The following PHYHIPL variants were observed in gnomAD, a reference collection of about 807,000 sequenced individuals.
PHYHIPL encodes phytanoyl-CoA hydroxylase-interacting protein-like.
A neutral mutation model predicts 33.4 loss-of-function variants in PHYHIPL; 9 were observed. The ratio of observed to expected loss-of-function variants is 0.27; its 90% CI spans 0.16 to 0.47. The LOEUF (loss-of-function observed/expected upper bound fraction) is 0.47. Among genes scored for constraint, PHYHIPL ranks in the 20% least tolerant of loss-of-function variants. The probability of loss-of-function intolerance (pLI) is 0.99; values close to 1 mark genes in which losing one functional copy is unlikely to be tolerated. For missense variants in PHYHIPL, 365 were observed against 460.7 expected (o/e 0.79, Z 1.90); for synonymous variants, 153 against 154.1 (o/e 0.99, Z 0.05).
chr10:59,175,896 C>A (rs73294045), upstream of PHYHIPL, among the ~76,000 whole-genome samples: 3,265 of 152,334 alleles, frequency 0.021, 136 homozygotes, highest in African/African-American at 0.075. Context: ...GCTGCGAAGG[C>A]AGACTGCGTG....
At chr10:59,207,752 G>A (rs1261661395) in intron 1 of PHYHIPL, among the ~76,000 whole-genome samples, 5 of 152,024 alleles carry the variant, frequency 3.3e-5, no homozygotes, top group Non-Finnish European at 5.9e-5. Context: ...TTAGCTGGGC[G>A]TGGTGGTGGG....
chr10:59,184,633 T>G (rs1322259008), intron 1 of PHYHIPL, among the ~76,000 whole-genome samples: 1 of 151,954 alleles, frequency 6.6e-6, no homozygotes, highest in African/African-American at 2.4e-5. Context: ...CCTAGTTTTT[T>G]TTTTTTAATT....
upstream of PHYHIPL, chr10:59,176,585 C>T (rs1205799256): frequency 6.0e-4 from 178 of 297,752 alleles, 1 homozygote; most frequent in African/African-American, 2.2e-3. Flanking sequence ...GAGCAGCGTC[C>T]CCTCCCCGCC....
intron 1 of PHYHIPL, among the ~76,000 whole-genome samples, chr10:59,226,828 G>A (rs868690737): frequency 1.5e-4 from 23 of 151,710 alleles, no homozygotes; most frequent in Non-Finnish European, 2.9e-4. Context: ...TCCAAATTAC[G>A]GTAGAAAAGA....
intron 1 of PHYHIPL, among the ~76,000 whole-genome samples, chr10:59,214,421 T>A (rs1839550482): frequency 6.6e-6 from 1 of 152,224 alleles, no homozygotes; most frequent in East Asian, 1.9e-4. Flanking sequence ...ACAGCAATTA[T>A]ACTGTACATC....
At chr10:59,219,032 GCGTA>G (rs1839691809) in intron 1 of PHYHIPL, among the ~76,000 whole-genome samples, 2 of 152,028 alleles carry the variant, frequency 1.3e-5, no homozygotes, top group South Asian at 4.2e-4. Context: ...CTGGGTTTAA[GCGTA>G]CACAATTTAT....
chr10:59,191,197 A>G (rs559813655), intron 1 of PHYHIPL, among the ~76,000 whole-genome samples: 2 of 152,086 alleles, frequency 1.3e-5, no homozygotes, highest in Admixed American at 6.5e-5. Flanking sequence ...AAATGTAGAG[A>G]TCTGACCCAT....
intron 1 of PHYHIPL, among the ~76,000 whole-genome samples, chr10:59,184,391 A>G (rs910493252): frequency 1.3e-5 from 2 of 152,216 alleles, no homozygotes; most frequent in Admixed American, 6.5e-5. Flanking sequence ...TTGAGACATG[A>G]GTTAATCTCT....
intron 1 of PHYHIPL, chr10:59,183,760 T>A: frequency 1.5e-5 from 11 of 725,332 alleles, no homozygotes; most frequent in Non-Finnish European, 1.9e-5. Context: ...TAGTGGCTCA[T>A]TTAAAAGGGG....
At chr10:59,220,906 A>C (rs763396304) in intron 1 of PHYHIPL, among the ~76,000 whole-genome samples, 7 of 152,218 alleles carry the variant, frequency 4.6e-5, no homozygotes, top group Admixed American at 1.3e-4. Flanking sequence ...ATAACTAAAA[A>C]ATTAAAAATT....
intron 1 of PHYHIPL, among the ~76,000 whole-genome samples, chr10:59,199,041 G>A (rs1839015469): frequency 1.3e-5 from 2 of 152,092 alleles, no homozygotes; most frequent in Admixed American, 1.3e-4. Context: ...CTTTTGCTGT[G>A]CAGAAGCTCT....
At chr10:59,214,893 G>T (rs992730022) in intron 1 of PHYHIPL, among the ~76,000 whole-genome samples, 7 of 151,936 alleles carry the variant, frequency 4.6e-5, no homozygotes, top group African/African-American at 1.7e-4. Context: ...TCCAGGTCTA[G>T]ACAGGGCAGA....
chr10:59,176,630 T>C (rs1173493027), upstream of PHYHIPL: 3 of 424,094 alleles, frequency 7.1e-6, no homozygotes, highest in East Asian at 3.9e-5. Context: ...CGCCGGGTCC[T>C]GCTCGGTCTC....
At position 59,176,657 on chromosome 10, in the gene PHYHIPL, C is replaced by T; in HGVS notation, c.-197C>T. On this transcript the variant is annotated 5_prime_UTR_variant, in exon 1 of 5. Transcript: ENST00000373880. Reference sequence around the variant, plus strand: ...CTCGGTCTCTCAGAGCCGCACACTCCGCGGAGCTCCTGCCACAGCCGTCGC... The same window carrying T: ...CTCGGTCTCTCAGAGCCGCACACTCTGCGGAGCTCCTGCCACAGCCGTCGC... The T allele has an allele frequency of 1.8e-6, 1 of 552,072 alleles. No homozygotes were observed. Among genetic ancestry groups the T allele is most frequent in the Non-Finnish European group, 3.2e-6 (1 of 312,034 alleles). The allele number at this position is 552,072 out of a possible 1,614,324, so 34.2% of individuals were successfully genotyped here.
At chr10:59,188,575 C>G (rs1487068383) in intron 1 of PHYHIPL, among the ~76,000 whole-genome samples, 1 of 152,130 alleles carries the variant, frequency 6.6e-6, no homozygotes, top group African/African-American at 2.4e-5. Flanking sequence ...GTGTTAAAGT[C>G]TCCCATTATT....
upstream of PHYHIPL, among the ~76,000 whole-genome samples, chr10:59,173,832 G>T (rs1838205206): frequency 6.6e-6 from 1 of 150,538 alleles, no homozygotes; most frequent in African/African-American, 2.4e-5. Flanking sequence ...GGGGAACAGG[G>T]ATTCTAGTTT....
chr10:59,186,488 T>C (rs1838608327), intron 1 of PHYHIPL, among the ~76,000 whole-genome samples: 1 of 152,166 alleles, frequency 6.6e-6, no homozygotes, highest in African/African-American at 2.4e-5. Context: ...AGTAGTTTTT[T>C]CCAATTCTGT....
chr10:59,222,862 A>G (rs1839818606), intron 1 of PHYHIPL, among the ~76,000 whole-genome samples: 2 of 152,176 alleles, frequency 1.3e-5, no homozygotes, highest in South Asian at 2.1e-4. Flanking sequence ...GTTAAATCAT[A>G]TAACATTTAT....
At chr10:59,220,832 C>T (rs1314832538) in intron 1 of PHYHIPL, among the ~76,000 whole-genome samples, 1 of 151,968 alleles carries the variant, frequency 6.6e-6, no homozygotes, top group African/African-American at 2.4e-5. Context: ...CATATAACCT[C>T]TTTGTACCTC....
Sources: allele counts gnomAD v4.1 joint callset (sites outside exome capture counted in the v4.1 genomes callset), GRCh38; gene constraint gnomAD v4.1.1; transcripts MANE v1.5; gene names NCBI Gene and HGNC (gene_info 2026-07-23, HGNC 2026-07-21).